Variants in BCAS3 observed in about 807,000 individuals in gnomAD.
BCAS3 encodes BCAS3 microtubule associated cell migration factor, also known as BCAS4/BCAS3 fusion.
BCAS3 carries 53 observed loss-of-function variants against 116.1 expected under a neutral mutation model. That is an observed-to-expected ratio of 0.46 (90% CI 0.37 to 0.57). BCAS3 has a LOEUF of 0.57. Ranked by LOEUF, BCAS3 falls within the 20% of genes least tolerant of loss-of-function variation. BCAS3 has a pLI of 0.00. For missense variants in BCAS3, 917 were observed against 1,165.4 expected, an observed-to-expected ratio of 0.79 and a Z score of 3.10; for synonymous variants, 391 against 408.2, an observed-to-expected ratio of 0.96 and a Z score of 0.51.
chr17:60,970,180 A>G (rs2061879707), intron 14 of BCAS3, among the ~76,000 whole-genome samples: 1 of 152,154 alleles, frequency 6.6e-6, no homozygotes, highest in South Asian at 2.1e-4. Context: ...CAACTATAGC[A>G]CAAAGATGGA....
At chr17:61,247,128 C>T (rs2048034566) in intron 22 of BCAS3, among the ~76,000 whole-genome samples, 2 of 152,098 alleles carry the variant, frequency 1.3e-5, no homozygotes, top group Admixed American at 1.3e-4. Context: ...ATGAATACAT[C>T]AGACTTTTAT....
chr17:61,263,350 A>G (rs559393796), intron 22 of BCAS3, among the ~76,000 whole-genome samples: 5 of 152,352 alleles, frequency 3.3e-5, no homozygotes, highest in Admixed American at 3.3e-4. Flanking sequence ...GGCCTTCGGT[A>G]GAGGAACAGC....
At position 61,233,298 on chromosome 17, in the gene BCAS3, C is replaced by G. The variant is rs963759054; in HGVS notation, c.2426-135029C>G. The stretch of plus-strand genomic sequence containing the variant: ...TTTGAGCCCCAGGGAAGAGTTTGGA[C>G]CCCAGGCTTTTACAGGTTTGTAGTA... On this transcript the variant is annotated intron_variant, in intron 22 of 23. Coordinates refer to ENST00000407086, the MANE Select transcript of BCAS3 (RefSeq NM_017679.5). This position sits in a 1 kb window ranked among gnomAD's most constrained non-coding sequence, Gnocchi z 4.3. Among the ~76,000 whole-genome samples the G allele has an allele frequency of 6.6e-6, 1 of 152,108 alleles. No homozygotes were observed. The highest frequency in any genetic ancestry group is 2.4e-5 in the African/African-American group (1 of 41,412).
chr17:61,050,293 A>G (rs958095251), intron 19 of BCAS3, among the ~76,000 whole-genome samples: 1 of 152,036 alleles, frequency 6.6e-6, no homozygotes, highest in African/African-American at 2.4e-5. Context: ...TCTAATTTGT[A>G]AAAATGTAAA....
chr17:60,803,427 A>C (rs1345935904), intron 6 of BCAS3, among the ~76,000 whole-genome samples: 1 of 152,224 alleles, frequency 6.6e-6, no homozygotes, highest in Non-Finnish European at 1.5e-5. Flanking sequence ...TTTGGGCGTC[A>C]GGTTTTTTCC....
In BCAS3 at chr17:61,136,602, C is replaced by T. The variant is rs2076654241; in HGVS notation, c.2425+52038C>T. Among the ~76,000 whole-genome samples the T allele has an allele frequency of 6.6e-6, 1 of 152,164 alleles. No individual in the cohort carries two copies. ...GAGACGGAGGCTGGATGTTGTCGCC[C>T]AGGCTGGAGTGCAGTAGCGCGATCT... On this transcript the variant is annotated intron_variant, in intron 22 of 23. Coordinates refer to ENST00000407086, the MANE Select transcript of BCAS3 (RefSeq NM_017679.5). This position sits in a 1 kb window ranked among gnomAD's most constrained non-coding sequence, Gnocchi z 4.4.
In BCAS3 at chr17:61,098,022, A is replaced by G. The variant is rs141110064; in HGVS notation, c.2425+13458A>G. The stretch of plus-strand genomic sequence containing the variant: ...CAGCTTGTCCTTATTGCTTTAGGCA[A>G]CAACTGACAGGCCTGACTGGTCATT... On this transcript the variant is annotated intron_variant, in intron 22 of 23. Coordinates refer to ENST00000407086, the MANE Select transcript of BCAS3 (RefSeq NM_017679.5). The surrounding 1 kb of genome is among the most constrained non-coding windows in gnomAD (Gnocchi z 4.2). 5.6e-4 allele frequency among the ~76,000 whole-genome samples: 85 copies of G among 152,364 alleles called. 1 individual carries two copies. In the East Asian group the frequency reaches 0.016, roughly 28 times the overall value.
chr17:61,341,358 A>G lies in BCAS3; in HGVS notation c.2426-26969A>G, dbSNP rs1441522171. ...GGACTCCGGGGCAGGCGGTGTCCTC[A>G]GAGGAGAGCCTGGTATTTCCCCAAA... is the stretch of plus-strand genomic sequence containing the variant. On this transcript the variant is annotated intron_variant, in intron 22 of 23. Coordinates refer to ENST00000407086, the MANE Select transcript of BCAS3 (RefSeq NM_017679.5). Among the ~76,000 whole-genome samples, 3 of 152,224 alleles carry G rather than the reference A, an allele frequency of 2.0e-5. No individual in the cohort carries two copies. In the East Asian group the frequency reaches 5.8e-4, roughly 29 times the overall value.
rs189978106 is a variant in BCAS3 at position 61,012,306 on chromosome 17, C to G, written c.1487-3445C>G. 2.0e-5 allele frequency among the ~76,000 whole-genome samples: 3 copies of G among 152,152 alleles called. No individual in the cohort carries two copies. The highest frequency in any genetic ancestry group is 7.2e-5 in the African/African-American group (3 of 41,544). ...GAGCAAAGATTGAGTGGAACTTTTG[C>G]TTGGCGCAGTATGCATCTTTGTTAA... is the stretch of plus-strand genomic sequence containing the variant. On this transcript the variant is annotated intron_variant, in intron 15 of 23. Transcript: ENST00000407086. The surrounding 1 kb of genome is among the most constrained non-coding windows in gnomAD (Gnocchi z 4.5).
intron 22 of BCAS3, among the ~76,000 whole-genome samples, chr17:61,218,116 A>G (rs1341930793): frequency 6.6e-6 from 1 of 152,186 alleles, no homozygotes; most frequent in Non-Finnish European, 1.5e-5. Flanking sequence ...AGACTCCTAA[A>G]TGTTGGGTCA....
chr17:61,080,162 C>T (rs2143504645), intron 21 of BCAS3, among the ~76,000 whole-genome samples: 1 of 152,078 alleles, frequency 6.6e-6, no homozygotes. Context: ...GCCTCTGCCT[C>T]CCAAAGTGTG....
chr17:61,146,360 A>C (rs1052914495), intron 22 of BCAS3, among the ~76,000 whole-genome samples: 9 of 150,804 alleles, frequency 6.0e-5, no homozygotes, highest in Admixed American at 4.6e-4. Flanking sequence ...TCAGGGATCC[A>C]TCCCCCTCGG....
At position 61,315,473 on chromosome 17, in the gene BCAS3, C is replaced by T. The variant is rs1206185848; in HGVS notation, c.2426-52854C>T. Among the ~76,000 whole-genome samples, 3 of 152,192 alleles carry T rather than the reference C, an allele frequency of 2.0e-5. No homozygotes were observed. Among genetic ancestry groups the T allele is most frequent in the Non-Finnish European group, 4.4e-5 (3 of 68,034 alleles). ...GCATGCAGAGCAGTCTCGGAGCGGA[C>T]GCTAGCTGGCAGCGGTGCCATTGCT... On this transcript the variant is annotated intron_variant, in intron 22 of 23. Coordinates refer to ENST00000407086, the MANE Select transcript of BCAS3 (RefSeq NM_017679.5). This position sits in a 1 kb window ranked among gnomAD's most constrained non-coding sequence, Gnocchi z 5.3.
chr17:60,868,914 G>A (rs901919017), intron 8 of BCAS3, among the ~76,000 whole-genome samples: 7 of 152,118 alleles, frequency 4.6e-5, no homozygotes, highest in African/African-American at 1.7e-4. Context: ...GATATAACAA[G>A]CATTTGTAAA....
chr17:61,079,178 T>C (rs1476233895), intron 21 of BCAS3, among the ~76,000 whole-genome samples: 4 of 152,110 alleles, frequency 2.6e-5, no homozygotes, highest in Non-Finnish European at 4.4e-5. Context: ...CAACAGATAA[T>C]GAAGGACTCA....
At chr17:60,766,645 A>G (rs2044125296) in intron 6 of BCAS3, among the ~76,000 whole-genome samples, 1 of 152,238 alleles carries the variant, frequency 6.6e-6, no homozygotes, top group South Asian at 2.1e-4. Context: ...TAGGCTACAC[A>G]GGGGTCAGGG....
intron 7 of BCAS3, among the ~76,000 whole-genome samples, chr17:60,815,470 C>T (rs2049294656): frequency 6.6e-6 from 1 of 151,904 alleles, no homozygotes; most frequent in African/African-American, 2.4e-5. Context: ...AAAAAAAAGT[C>T]CAGTGCCAAC....
rs2054668478 is a variant in BCAS3, at chr17:61,315,672, T to C, written c.2426-52655T>C. Among the ~76,000 whole-genome samples the C allele has an allele frequency of 1.3e-5, 2 of 152,176 alleles. No individual in the cohort carries two copies. The highest frequency in any genetic ancestry group is 6.5e-5 in the Admixed American group (1 of 15,282). ...ACCCATCGATGCTTCCCCATGTGGG[T>C]CCTGGAATGTGACCAGGCTGACTGA... On this transcript the variant is annotated intron_variant, in intron 22 of 23. Transcript: ENST00000407086. This position sits in a 1 kb window ranked among gnomAD's most constrained non-coding sequence, Gnocchi z 5.3.
chr17:61,130,203 T>C lies in BCAS3; in HGVS notation c.2425+45639T>C, dbSNP rs948578643. Among the ~76,000 whole-genome samples, 2 of 152,262 alleles carry C rather than the reference T, an allele frequency of 1.3e-5. No individual in the cohort carries two copies. Among genetic ancestry groups the C allele is most frequent in the Non-Finnish European group, 2.9e-5 (2 of 68,048 alleles). On this transcript the variant is annotated intron_variant, in intron 22 of 23. Coordinates refer to ENST00000407086, the MANE Select transcript of BCAS3 (RefSeq NM_017679.5). This position sits in a 1 kb window ranked among gnomAD's most constrained non-coding sequence, Gnocchi z 5.0. ...TTTATGTGACTAATTTTAAATTTACTGTAAACACTTTTTTATACGTCTCAT... is the reference window on the plus strand; with the variant it reads ...TTTATGTGACTAATTTTAAATTTACCGTAAACACTTTTTTATACGTCTCAT...
Sources: allele counts gnomAD v4.1 joint callset (sites outside exome capture counted in the v4.1 genomes callset), GRCh38; gene constraint gnomAD v4.1.1; non-coding constraint Gnocchi (gnomAD v3.1); transcripts MANE v1.5; gene names NCBI Gene and HGNC (gene_info 2026-07-23, HGNC 2026-07-21).